KCNC4: variants seen among roughly 807,000 people sequenced by gnomAD.
The protein encoded by KCNC4 is voltage-gated potassium channel KCNC4.
Under a neutral mutation model 42.8 loss-of-function variants are expected in KCNC4, and 23 were observed. The ratio of observed to expected loss-of-function variants is 0.54; its 90% CI spans 0.39 to 0.76. The LOEUF (loss-of-function observed/expected upper bound fraction) is 0.76, where lower values mean the gene tolerates loss of function less well. Ranked by LOEUF, KCNC4 falls within the 30% of genes least tolerant of loss-of-function variation. The pLI, the probability that KCNC4 is intolerant of heterozygous loss-of-function variation, is 0.00. For missense variants in KCNC4, 751 were observed against 898.2 expected, an observed-to-expected ratio of 0.84 and a Z score of 2.10; for synonymous variants, 422 against 393.5, an observed-to-expected ratio of 1.07 and a Z score of -0.86.
exon 4 of KCNC4, chr1:110,242,257 G>C (rs373075200): frequency 1.1e-4 from 16 of 152,230 alleles, no homozygotes; most frequent in East Asian, 1.9e-4. Flanking sequence ...GGAACAGCGG[G>C]GGGGGCTATA....
Position 110,211,636 on chromosome 1 carries a change from G to T in KCNC4, c.137G>T (p.Arg46Leu). 2 of 1,613,856 alleles carry T rather than the reference G, an allele frequency of 1.2e-6. No individual in the cohort carries two copies. Among genetic ancestry groups the T allele is most frequent in the Non-Finnish European group, 1.7e-6 (2 of 1,179,930 alleles). ...EKIIINVGGT[R>L]HETYRSTLRT... ...ATCATCATCAACGTGGGCGGCACGC[G>T]ACATGAGACCTACCGCAGCACCCTG... is the stretch of plus-strand genomic sequence containing the variant. Residue 46 changes from arginine (R) to leucine (L), a missense_variant, in exon 1 of 4, where the codon CGA becomes CTA. Around this residue, in one of 4 missense-constraint regions of KCNC4, gnomAD observed 183 missense variants for 255.8 expected, o/e 0.72. Coordinates refer to ENST00000438661, the MANE Select transcript of KCNC4 (RefSeq NM_001039574.3). This position sits in a 1 kb window ranked among gnomAD's most constrained non-coding sequence, Gnocchi z 6.5.
exon 4 of KCNC4, chr1:110,242,409 T>C (rs1241770229): frequency 6.6e-6 from 1 of 152,244 alleles, no homozygotes; most frequent in East Asian, 1.9e-4. Flanking sequence ...GCTACATAAG[T>C]GGACATAGAA....
In KCNC4 at chr1:110,226,184, G is replaced by A. The variant is rs1658383719; in HGVS notation, c.1819+6G>A. 1.2e-6 allele frequency: 2 copies of A among 1,613,748 alleles called. No individual in the cohort carries two copies. The highest frequency in any genetic ancestry group is 2.2e-5 in the East Asian group (1 of 44,872). On this transcript the variant is annotated splice_donor_region_variant and intron_variant, in intron 3 of 3. Coordinates refer to ENST00000438661, the MANE Select transcript of KCNC4 (RefSeq NM_001039574.3). The stretch of plus-strand genomic sequence containing the variant: ...CGATGGTAGTGTCCGGAAAGGTATG[G>A]CTTCCCAAGCTGGACAGGTGGGGAG...
At chr1:110,277,550 C>G (rs1659746051) in intron 1 of KCNC4, among the ~76,000 whole-genome samples, 1 of 152,208 alleles carries the variant, frequency 6.6e-6, no homozygotes, top group African/African-American at 2.4e-5. Context: ...TCTATAAAGT[C>G]TGACATTCAA....
In KCNC4 at chr1:110,233,045, CAAG is replaced by C; in HGVS notation, c.*76_*78del. Reference sequence around the variant, plus strand: ...GCTTAGGGAAACTCTGGAACCCAGACAAGAATCTTTTCGCTGGGAAAGACTCAG... The same window carrying C: ...GCTTAGGGAAACTCTGGAACCCAGACAATCTTTTCGCTGGGAAAGACTCAG... On this transcript the variant is annotated 3_prime_UTR_variant, in exon 4 of 4. Coordinates refer to ENST00000438661, the MANE Select transcript of KCNC4 (RefSeq NM_001039574.3). 2 of 1,530,840 alleles carry C rather than the reference CAAG, an allele frequency of 1.3e-6. No individual in the cohort carries two copies. The highest frequency in any genetic ancestry group is 1.8e-6 in the Non-Finnish European group (2 of 1,127,030). The allele number at this position is 1,530,840 out of a possible 1,614,324, so 94.8% of individuals were successfully genotyped here.
intron 1 of KCNC4, among the ~76,000 whole-genome samples, chr1:110,273,111 G>A (rs1209625225): frequency 1.3e-5 from 2 of 152,160 alleles, no homozygotes; most frequent in Non-Finnish European, 2.9e-5. Context: ...TGCATATAAT[G>A]TTTCCTGGAG....
In KCNC4 at chr1:110,211,600, C is replaced by T. The variant is rs749221236; in HGVS notation, c.101C>T (p.Ala34Val). The T allele has an allele frequency of 1.2e-6, 2 of 1,614,076 alleles. No homozygotes were observed. The highest frequency in any genetic ancestry group is 1.7e-6 in the Non-Finnish European group (2 of 1,179,978). The change falls in exon 1 of 4, where the codon GCG becomes GTG. Residue 34 changes from alanine to valine, a missense_variant. Ala to Val is a moderately conservative substitution (Grantham distance 64). Transcript: ENST00000438661. The surrounding 1 kb of genome is among the most constrained non-coding windows in gnomAD (Gnocchi z 6.5). ...CLKEEMAKGEASEKIIINVGG... is the reference protein window; with the variant it reads ...CLKEEMAKGEVSEKIIINVGG... ...AAGGAGGAGATGGCCAAGGGCGAGGCGTCGGAGAAGATCATCATCAACGTG... is the reference window on the plus strand; with the variant it reads ...AAGGAGGAGATGGCCAAGGGCGAGGTGTCGGAGAAGATCATCATCAACGTG...
intron 1 of KCNC4, among the ~76,000 whole-genome samples, chr1:110,270,776 C>T (rs2101085449): frequency 6.6e-6 from 1 of 152,316 alleles, no homozygotes; most frequent in East Asian, 1.9e-4. Context: ...CAGAGGTGAG[C>T]AGCCTATCAG....
intron 1 of KCNC4, among the ~76,000 whole-genome samples, chr1:110,276,954 T>C (rs1009300546): frequency 6.6e-6 from 1 of 152,222 alleles, no homozygotes; most frequent in Non-Finnish European, 1.5e-5. Flanking sequence ...CATATGTATA[T>C]ACCAATACCA....
chr1:110,282,932 C>G (rs1286081573), intron 2 of KCNC4: 1 of 152,120 alleles, frequency 6.6e-6, no homozygotes, highest in South Asian at 2.1e-4. Flanking sequence ...TTTTGTGTTG[C>G]TATAGCAGAA....
chr1:110,247,858 G>A (rs1311648921), exon 4 of KCNC4: 1 of 152,234 alleles, frequency 6.6e-6, no homozygotes, highest in African/African-American at 2.4e-5. Context: ...GCCTTGTGAA[G>A]TCTTTTCTAA....
In KCNC4 at chr1:110,257,404, C is replaced by A. The variant is rs377091521; in HGVS notation, n.31-25130C>A. ...TAAAATAAATTGTGTTTGATTCCCTCCCCTGCCGCAAAAAAAAAAAAAGTC... is the reference window on the plus strand; with the variant it reads ...TAAAATAAATTGTGTTTGATTCCCTACCCTGCCGCAAAAAAAAAAAAAGTC... On this transcript the variant is annotated intron_variant and non_coding_transcript_variant, in intron 1 of 2. Transcript: ENST00000412512. Among the ~76,000 whole-genome samples the A allele has an allele frequency of 3.1e-3, 472 of 151,376 alleles. 2 individuals are homozygous for A. Among genetic ancestry groups the A allele is most frequent in the African/African-American group, 9.9e-3 (404 of 40,964 alleles).
chr1:110,250,582 A>G (rs942342711), downstream of KCNC4, among the ~76,000 whole-genome samples: 1 of 152,262 alleles, frequency 6.6e-6, no homozygotes, highest in Non-Finnish European at 1.5e-5. Flanking sequence ...GGGCACTGTC[A>G]GTGTGGATAG....
At chr1:110,258,499 G>T (rs1402756595) in intron 1 of KCNC4, among the ~76,000 whole-genome samples, 3 of 152,102 alleles carry the variant, frequency 2.0e-5, no homozygotes, top group Non-Finnish European at 4.4e-5. Context: ...GCCTCCCAAA[G>T]TGCTGGGATT....
chr1:110,245,124 TGA>T (rs1367299126), exon 4 of KCNC4: 2 of 152,096 alleles, frequency 1.3e-5, no homozygotes, highest in African/African-American at 4.8e-5. Flanking sequence ...AGCCTCCCCA[TGA>T]GGGGCTGGGG....
downstream of KCNC4, among the ~76,000 whole-genome samples, chr1:110,252,988 C>T (rs936265473): frequency 6.6e-6 from 1 of 152,198 alleles, no homozygotes; most frequent in Non-Finnish European, 1.5e-5. Context: ...TCTCTCTGCT[C>T]TCCCAGGCAG....
chr1:110,265,602 T>C (rs1338809975), intron 1 of KCNC4, among the ~76,000 whole-genome samples: 2 of 152,094 alleles, frequency 1.3e-5, no homozygotes, highest in East Asian at 1.9e-4. Context: ...ACAGTACTTA[T>C]GTCAAAAAGT....
chr1:110,216,667 C>A (rs983269185), intron 1 of KCNC4, among the ~76,000 whole-genome samples: 3 of 152,078 alleles, frequency 2.0e-5, no homozygotes, highest in African/African-American at 7.2e-5. Flanking sequence ...GGTAGGAGAC[C>A]CTGGGCCCTT....
At position 110,233,209 on chromosome 1, in the gene KCNC4, A is replaced by G; in HGVS notation, c.*237A>G. 1.7e-6 allele frequency: 1 copy of G among 601,892 alleles called. No homozygotes were observed. The allele number at this position is 601,892 out of a possible 1,614,324, so 37.3% of individuals were successfully genotyped here. On this transcript the variant is annotated 3_prime_UTR_variant, in exon 4 of 4. Coordinates refer to ENST00000438661, the MANE Select transcript of KCNC4 (RefSeq NM_001039574.3). ...ACATATAGTATCTATATTCATACATATTATACTCTTGTGTGTAGTGCACGT... is the reference window on the plus strand; with the variant it reads ...ACATATAGTATCTATATTCATACATGTTATACTCTTGTGTGTAGTGCACGT...
Sources: gnomAD v4.1 joint callset for allele counts (sites outside exome capture counted in the v4.1 genomes callset) on GRCh38, gnomAD v4.1.1 for gene constraint, gnomAD v4.1.1 regional missense constraint, Gnocchi (gnomAD v3.1) non-coding constraint, MANE v1.5 for transcripts, NCBI Gene and HGNC (gene_info 2026-07-23, HGNC 2026-07-21) for gene names.